XYLT1: variants seen among roughly 807,000 people sequenced by gnomAD.
XYLT1 encodes xylosyltransferase 1.
A neutral mutation model predicts 91.3 loss-of-function variants in XYLT1; 36 were observed. The ratio of observed to expected loss-of-function variants is 0.39; its 90% confidence interval spans 0.30 to 0.52. XYLT1 has a LOEUF of 0.52. Among genes scored for constraint, XYLT1 ranks in the 20% least tolerant of loss-of-function variants. The pLI is 0.68. For missense variants in XYLT1, 1,242 were observed against 1,284.5 expected (o/e 0.97, Z 0.51); for synonymous variants, 588 against 532.0 (o/e 1.11, Z -1.45).
intron 1 of XYLT1, among the ~76,000 whole-genome samples, chr16:17,468,929 CTCCA>C: frequency 6.6e-6 from 1 of 152,204 alleles, no homozygotes; most frequent in African/African-American, 2.4e-5. Context: ...TCACTATCAA[CTCCA>C]AGAGTTCAAA....
chr16:17,325,634 T>G (rs2141833673), intron 2 of XYLT1, among the ~76,000 whole-genome samples: 1 of 152,346 alleles, frequency 6.6e-6, no homozygotes, highest in African/African-American at 2.4e-5. Context: ...ATGGCGATTT[T>G]ATTTTTTCCT....
rs375566768 is a variant in XYLT1 at position 17,109,026 on chromosome 16, C to A, written c.2558-9G>T. ...CAGCTTCAGTGCCTCCTCTGAAAGC[C>A]AAAGGGAACAATTTCAGGATCAGAA... On this transcript the variant is annotated splice_polypyrimidine_tract_variant and intron_variant, in intron 11 of 11. Coordinates refer to ENST00000261381, the MANE Select transcript of XYLT1 (RefSeq NM_022166.4). 4 of 1,497,706 alleles carry A rather than the reference C, an allele frequency of 2.7e-6. No individual in the cohort carries two copies. The highest frequency in any genetic ancestry group is 3.6e-6 in the Non-Finnish European group (4 of 1,121,048). 92.8% of individuals were successfully genotyped at this position (1,497,706 alleles called of 1,614,324 possible).
In XYLT1 at chr16:17,200,720, A is replaced by G. The variant is rs184370899; in HGVS notation, c.914-66T>C. ...TCTGCCATCCTTTGCAGGGGTGGGA[A>G]GTTTCTCTGGTGCTTCTTTTGGGGA... On this transcript the variant is annotated intron_variant, in intron 3 of 11. Coordinates refer to ENST00000261381, the MANE Select transcript of XYLT1 (RefSeq NM_022166.4). The G allele has an allele frequency of 3.8e-6, 6 of 1,568,362 alleles. No individual in the cohort carries two copies. In the Admixed American group the frequency reaches 5.2e-5, roughly 13 times the overall value.
At chr16:17,222,368 A>G (rs2032984409) in intron 3 of XYLT1, among the ~76,000 whole-genome samples, 2 of 152,316 alleles carry the variant, frequency 1.3e-5, no homozygotes, top group East Asian at 3.9e-4. Flanking sequence ...GGATACCGCT[A>G]AACGTCCCAC....
chr16:17,135,692 C>T (rs1304433349), intron 8 of XYLT1, among the ~76,000 whole-genome samples: 3 of 152,148 alleles, frequency 2.0e-5, no homozygotes, highest in African/African-American at 7.2e-5. Flanking sequence ...CAGCAAGTCA[C>T]TATCAGAGAT....
intron 6 of XYLT1, among the ~76,000 whole-genome samples, chr16:17,155,144 G>A (rs745560273): frequency 1.3e-5 from 2 of 152,326 alleles, no homozygotes; most frequent in African/African-American, 4.8e-5. Flanking sequence ...GCTTCATCAC[G>A]TGAGAATTAT....
intron 2 of XYLT1, among the ~76,000 whole-genome samples, chr16:17,349,342 G>A (rs1169095259): frequency 6.6e-6 from 1 of 152,110 alleles, no homozygotes; most frequent in Non-Finnish European, 1.5e-5. Context: ...TGTCAAATCT[G>A]TCTAGATCTA....
intron 2 of XYLT1, among the ~76,000 whole-genome samples, chr16:17,351,148 A>G (rs1051316982): frequency 6.6e-6 from 1 of 152,192 alleles, no homozygotes; most frequent in African/African-American, 2.4e-5. Flanking sequence ...CACATGATGT[A>G]CATGTTCCTG....
intron 2 of XYLT1, among the ~76,000 whole-genome samples, chr16:17,303,970 G>T (rs1327639196): frequency 6.6e-6 from 1 of 152,080 alleles, no homozygotes; most frequent in Non-Finnish European, 1.5e-5. Context: ...ATACATATGT[G>T]AGCAATGCAT....
intron 1 of XYLT1, among the ~76,000 whole-genome samples, chr16:17,365,067 T>C (rs1443795614): frequency 1.3e-5 from 2 of 152,212 alleles, no homozygotes; most frequent in South Asian, 2.1e-4. Context: ...GTCGGATGCA[T>C]GCGTGAAACT....
intron 2 of XYLT1, among the ~76,000 whole-genome samples, chr16:17,292,648 A>C (rs1483751135): frequency 6.6e-6 from 1 of 152,260 alleles, no homozygotes; most frequent in African/African-American, 2.4e-5. Context: ...CCACTTTGGT[A>C]GGAGACGATG....
chr16:17,166,596 C>G (rs564885784), intron 5 of XYLT1, among the ~76,000 whole-genome samples: 1 of 152,102 alleles, frequency 6.6e-6, no homozygotes, highest in South Asian at 2.1e-4. Flanking sequence ...ACAGTAACCT[C>G]CACCTCCTGG....
intron 1 of XYLT1, among the ~76,000 whole-genome samples, chr16:17,378,868 A>C (rs912110153): frequency 6.6e-6 from 1 of 152,186 alleles, no homozygotes; most frequent in Non-Finnish European, 1.5e-5. Flanking sequence ...AACCCACTCC[A>C]TCCCCTACTT....
chr16:17,216,798 T>C (rs2032869436), intron 3 of XYLT1, among the ~76,000 whole-genome samples: 1 of 152,204 alleles, frequency 6.6e-6, no homozygotes, highest in African/African-American at 2.4e-5. Context: ...CCAAGCAAAC[T>C]GATTCCAGGA....
At chr16:17,360,712 T>G (rs2035370084) in intron 1 of XYLT1, among the ~76,000 whole-genome samples, 1 of 152,244 alleles carries the variant, frequency 6.6e-6, no homozygotes, top group Non-Finnish European at 1.5e-5. Flanking sequence ...AACATCCTCC[T>G]TAATTGGAAA....
intron 1 of XYLT1, among the ~76,000 whole-genome samples, chr16:17,467,088 C>T (rs779010457): frequency 6.6e-6 from 1 of 152,014 alleles, no homozygotes; most frequent in Non-Finnish European, 1.5e-5. Flanking sequence ...GAATTTCTGC[C>T]GAAAAATCAA....
At chr16:17,270,720 C>T (rs1268047666) in intron 2 of XYLT1, among the ~76,000 whole-genome samples, 2 of 152,174 alleles carry the variant, frequency 1.3e-5, no homozygotes, top group African/African-American at 4.8e-5. Flanking sequence ...AAAAGTAGGT[C>T]AGGGGTCAGC....
At chr16:17,138,593 T>G in intron 7 of XYLT1, 62 bp from the exon 8 acceptor site, 1 of 1,567,626 alleles carries the variant, frequency 6.4e-7, no homozygotes. Flanking sequence ...TGAACTGGGG[T>G]GGGAAATGGT....
rs1270081785 is a variant in XYLT1, at chr16:17,104,793, C to T, written c.*3902G>A. Reference sequence around the variant, plus strand: ...ACAATGACAGGTTGGGGCTGAGTAGCAGCTGCTCATTCTGGGTAGGTCACG... The same window carrying T: ...ACAATGACAGGTTGGGGCTGAGTAGTAGCTGCTCATTCTGGGTAGGTCACG... On this transcript the variant is annotated 3_prime_UTR_variant, in exon 12 of 12. Coordinates refer to ENST00000261381, the MANE Select transcript of XYLT1 (RefSeq NM_022166.4). The T allele has an allele frequency of 6.6e-6, 1 of 152,206 alleles. No individual in the cohort carries two copies. Among genetic ancestry groups the T allele is most frequent in the Non-Finnish European group, 1.5e-5 (1 of 68,050 alleles). 9.4% of individuals were successfully genotyped at this position (152,206 alleles called of 1,614,324 possible).
Sources: allele counts gnomAD v4.1 joint callset (sites outside exome capture counted in the v4.1 genomes callset), GRCh38; gene constraint gnomAD v4.1.1; transcripts MANE v1.5; gene names NCBI Gene and HGNC (gene_info 2026-07-23, HGNC 2026-07-21).